The following NOL4 variants were observed in gnomAD, a reference collection of about 807,000 sequenced individuals.
NOL4 encodes cancer/testis antigen 125.
A neutral mutation model predicts 75.9 loss-of-function variants in NOL4; 17 were observed. The ratio of observed to expected loss-of-function variants is 0.22; its 90% CI spans 0.15 to 0.34. The LOEUF (loss-of-function observed/expected upper bound fraction) is 0.34. Ranked by LOEUF, NOL4 falls within the 10% of genes least tolerant of loss-of-function variation. The pLI, the probability that NOL4 is intolerant of heterozygous loss-of-function variation, is 1.00. For synonymous variants in NOL4, 292 were observed against 289.9 expected (o/e 1.01, Z -0.07); for missense variants, 614 against 793.5 (o/e 0.77, Z 2.72).
chr18:34,059,127 AT>A, intron 5 of NOL4, among the ~76,000 whole-genome samples: 1 of 49,340 alleles, frequency 2.0e-5, no homozygotes, highest in Non-Finnish European at 4.7e-5. Context: ...ATATACATAT[AT>A]ATATATATAT....
At chr18:34,037,064 C>T (rs1238087350) in intron 5 of NOL4, among the ~76,000 whole-genome samples, 1 of 152,104 alleles carries the variant, frequency 6.6e-6, no homozygotes, top group Admixed American at 6.6e-5. Flanking sequence ...ATCTGATAAC[C>T]AAATTTAGTA....
intron 10 of NOL4, among the ~76,000 whole-genome samples, chr18:33,854,000 T>C (rs2144116324): frequency 6.6e-6 from 1 of 152,290 alleles, no homozygotes; most frequent in African/African-American, 2.4e-5. Context: ...ACATTAAGCA[T>C]TTACTGTAGT....
At chr18:33,884,557 T>G (rs759618473) in intron 9 of NOL4, among the ~76,000 whole-genome samples, 9 of 152,102 alleles carry the variant, frequency 5.9e-5, no homozygotes, top group Non-Finnish European at 1.2e-4. Flanking sequence ...TGTGAATTTA[T>G]AAGACTTAAA....
At chr18:33,988,720 T>C (rs981904640) in intron 6 of NOL4, among the ~76,000 whole-genome samples, 2 of 149,650 alleles carry the variant, frequency 1.3e-5, no homozygotes, top group Non-Finnish European at 3.0e-5. Context: ...CAGATATGCA[T>C]CCTCTGGGGA....
chr18:33,933,672 G>T (rs2067852287), intron 9 of NOL4, among the ~76,000 whole-genome samples: 1 of 152,146 alleles, frequency 6.6e-6, no homozygotes, highest in Non-Finnish European at 1.5e-5. Context: ...ATCCACTGAA[G>T]ATTTATCGTG....
chr18:34,161,284 A>T (rs1414541919), intron 1 of NOL4, among the ~76,000 whole-genome samples: 1 of 152,160 alleles, frequency 6.6e-6, no homozygotes. Flanking sequence ...ATGGGAGTGC[A>T]GATGTCTCCT....
At chr18:33,860,654 GA>G (rs1368706396) in intron 10 of NOL4, among the ~76,000 whole-genome samples, 1 of 151,884 alleles carries the variant, frequency 6.6e-6, no homozygotes, top group African/African-American at 2.4e-5. Flanking sequence ...GCCCTGGCCA[GA>G]ACTTCCAACA....
At chr18:34,202,691 TTG>T (rs1352181029) in intron 1 of NOL4, among the ~76,000 whole-genome samples, 2 of 152,014 alleles carry the variant, frequency 1.3e-5, no homozygotes, top group Admixed American at 6.6e-5. Flanking sequence ...ATGGTCATAT[TTG>T]TGTTAGTGAC....
intron 6 of NOL4, among the ~76,000 whole-genome samples, chr18:34,014,027 A>T (rs376115278): frequency 6.6e-6 from 1 of 151,996 alleles, no homozygotes; most frequent in East Asian, 1.9e-4. Context: ...AAAGACAAAG[A>T]TAATATTACA....
At chr18:34,010,741 G>A (rs59231539) in intron 6 of NOL4, among the ~76,000 whole-genome samples, 1,917 of 151,816 alleles carry the variant, frequency 0.013, 33 homozygotes, top group East Asian at 0.09. Flanking sequence ...TTGAAGAAAA[G>A]CCATTTTAAC....
At chr18:34,106,607 G>T (rs1356010335) in intron 2 of NOL4, among the ~76,000 whole-genome samples, 3 of 151,696 alleles carry the variant, frequency 2.0e-5, no homozygotes, top group Admixed American at 6.6e-5. Context: ...TGAGGAAAAT[G>T]ATCAGAACAA....
At chr18:34,115,029 A>G (rs2079783734) in intron 2 of NOL4, among the ~76,000 whole-genome samples, 1 of 152,190 alleles carries the variant, frequency 6.6e-6, no homozygotes, top group African/African-American at 2.4e-5. Context: ...GAAACTAGCT[A>G]GGAAAATAGG....
intron 1 of NOL4, among the ~76,000 whole-genome samples, chr18:34,161,493 G>T (rs1020690217): frequency 1.3e-4 from 20 of 152,106 alleles, no homozygotes; most frequent in Non-Finnish European, 2.4e-4. Context: ...TCTTCTCCAC[G>T]ACCTCTCCAG....
At chr18:33,858,675 C>A (rs986836378) in intron 10 of NOL4, among the ~76,000 whole-genome samples, 6 of 152,050 alleles carry the variant, frequency 3.9e-5, no homozygotes, top group African/African-American at 1.4e-4. Flanking sequence ...TTAGTAGCAT[C>A]ATAAAATGAG....
At chr18:34,040,762 C>T (rs187266326) in intron 5 of NOL4, among the ~76,000 whole-genome samples, 183 of 151,920 alleles carry the variant, frequency 1.2e-3, no homozygotes, top group Non-Finnish European at 1.8e-3. Context: ...GGATAAACAA[C>T]GAAAAGAACC....
intron 1 of NOL4, chr18:34,222,404 G>C: frequency 1.8e-6 from 2 of 1,140,414 alleles, no homozygotes; most frequent in Non-Finnish European, 2.2e-6. Context: ...TCGCGGCAAC[G>C]ATCTCTGGGA....
At chr18:34,035,613 G>A (rs1283932521) in intron 5 of NOL4, among the ~76,000 whole-genome samples, 3 of 150,134 alleles carry the variant, frequency 2.0e-5, no homozygotes, top group Non-Finnish European at 3.0e-5. Context: ...CCCAAAAACA[G>A]CAAAAGGAAA....
intron 9 of NOL4, among the ~76,000 whole-genome samples, chr18:33,894,993 T>A (rs553814619): frequency 6.9e-4 from 105 of 152,214 alleles, no homozygotes; most frequent in Non-Finnish European, 1.3e-3. Flanking sequence ...CCATAAAAAA[T>A]GATAGGTAAA....
At chr18:33,937,879 C>T (rs1004215837) in intron 9 of NOL4, among the ~76,000 whole-genome samples, 2 of 151,972 alleles carry the variant, frequency 1.3e-5, no homozygotes, top group Non-Finnish European at 2.9e-5. Context: ...AGTTTGTAGC[C>T]TTTTTTAGGC....
Sources: gnomAD v4.1 joint callset for allele counts (sites outside exome capture counted in the v4.1 genomes callset) on GRCh38, gnomAD v4.1.1 for gene constraint, MANE v1.5 for transcripts, NCBI Gene and HGNC (gene_info 2026-07-23, HGNC 2026-07-21) for gene names.